The following ADGB variants were observed in gnomAD, a reference collection of about 807,000 sequenced individuals.
ADGB encodes androglobin.
In ADGB, 172 loss-of-function variants were observed where a neutral mutation model predicts 210.5. The ratio of observed to expected loss-of-function variants is 0.82; its 90% CI spans 0.72 to 0.93. The LOEUF (loss-of-function observed/expected upper bound fraction) is 0.93. ADGB is among the 40% of genes least tolerant of loss of function. The probability of loss-of-function intolerance (pLI) is 0.00; values close to 1 mark genes in which losing one functional copy is unlikely to be tolerated. For missense variants in ADGB, 2,025 were observed against 1,964.8 expected, an observed-to-expected ratio of 1.03 and a Z score of -0.58; for synonymous variants, 658 against 662.7, an observed-to-expected ratio of 0.99 and a Z score of 0.11.
intron 1 of ADGB, among the ~76,000 whole-genome samples, chr6:146,620,213 A>C (rs1236082312): frequency 6.6e-6 from 1 of 151,938 alleles, no homozygotes; most frequent in Non-Finnish European, 1.5e-5. Context: ...CTTTGTCTTT[A>C]ATTTTTGGTA....
At chr6:146,672,923 G>C (rs553792818) in intron 8 of ADGB, among the ~76,000 whole-genome samples, 1 of 151,868 alleles carries the variant, frequency 6.6e-6, no homozygotes, top group African/African-American at 2.4e-5. Context: ...TAGAGACAGG[G>C]TTTCACCATG....
intron 35 of ADGB, among the ~76,000 whole-genome samples, chr6:146,806,445 A>G (rs550152851): frequency 6.6e-6 from 1 of 152,208 alleles, no homozygotes; most frequent in African/African-American, 2.4e-5. Flanking sequence ...TTAATATGTC[A>G]CTACTATCTT....
intron 1 of ADGB, among the ~76,000 whole-genome samples, chr6:146,605,964 G>C (rs936367844): frequency 1.3e-5 from 2 of 152,070 alleles, no homozygotes; most frequent in African/African-American, 4.8e-5. Flanking sequence ...TGGGTCAAAT[G>C]GTGGTCCTGT....
At chr6:146,785,934 C>T (rs527406718) in intron 32 of ADGB, among the ~76,000 whole-genome samples, 2 of 151,914 alleles carry the variant, frequency 1.3e-5, no homozygotes, top group African/African-American at 2.4e-5. Context: ...ACATCTCCCC[C>T]TTCACACACA....
At chr6:146,657,301 G>T (rs1775799308) in intron 5 of ADGB, among the ~76,000 whole-genome samples, 1 of 140,446 alleles carries the variant, frequency 7.1e-6, no homozygotes, top group South Asian at 2.4e-4. Context: ...CTCCAGCCTG[G>T]GCAACAAGAG....
At chr6:146,783,446 G>T (rs1265575322) in intron 30 of ADGB, among the ~76,000 whole-genome samples, 1 of 152,098 alleles carries the variant, frequency 6.6e-6, no homozygotes, top group East Asian at 1.9e-4. Context: ...ACCTCCCTTA[G>T]TACCTTCACA....
At position 146,676,400 on chromosome 6, in the gene ADGB, C is replaced by G; in HGVS notation, c.1175C>G (p.Pro392Arg). Residue 392 changes from proline (P) to arginine (R), a missense_variant, in exon 9 of 36, where the codon CCC becomes CGC. Physicochemically the swap from Pro to Arg is moderately radical, Grantham distance 103 (BLOSUM62 -2). Transcript: ENST00000397944. ...KFKFSLHGSR[P>R]SSEVQYSVQS... ...AAATTCTCACTTCATGGTTCAAGAC[C>G]CTCATCAGAAGTGCAGTACTCTGTG... is the stretch of plus-strand genomic sequence containing the variant. 1 of 1,546,416 alleles carries G rather than the reference C, an allele frequency of 6.5e-7. No individual in the cohort carries two copies. The highest frequency in any genetic ancestry group is 8.7e-7 in the Non-Finnish European group (1 of 1,143,810).
chr6:146,791,404 C>T (rs73584875), intron 33 of ADGB, among the ~76,000 whole-genome samples: 5,649 of 152,182 alleles, frequency 0.037, 332 homozygotes, highest in African/African-American at 0.13. Context: ...AGTATAGTGG[C>T]TCAATCATGG....
rs182208335 is a variant in ADGB at position 146,676,449 on chromosome 6, C to A, written c.1216+8C>A. 15 of 1,363,522 alleles carry A rather than the reference C, an allele frequency of 1.1e-5. No individual in the cohort carries two copies. In the South Asian group the frequency reaches 1.7e-4, roughly 16 times the overall value. 84.5% of individuals were successfully genotyped at this position (1,363,522 alleles called of 1,614,324 possible). On this transcript the variant is annotated splice_region_variant and intron_variant, in intron 9 of 35. Transcript: ENST00000397944. ...TGCAGTCCCTATCAGATTGTAAGCT[C>A]CTAATTTCTTAGAATAATAACTATT...
rs1209148162 is a variant in ADGB at position 146,721,487 on chromosome 6, C to G, written c.2077C>G (p.Arg693Gly). The change falls in exon 17 of 36, where the codon CGC becomes GGC. Residue 693 changes from arginine (R) to glycine (G), a missense_variant. Coordinates refer to ENST00000397944, the MANE Select transcript of ADGB (RefSeq NM_024694.4). ...ACTGGTTTGCTTTTCTGCATTGGTA[C>G]GCTGGGGGGAGTATGGAGGTAAGAG... ...ELLVCFSALV[R>G]WGEYGALTKD... The G allele has an allele frequency of 6.5e-7, 1 of 1,547,784 alleles. No individual in the cohort carries two copies. The highest frequency in any genetic ancestry group is 8.7e-7 in the Non-Finnish European group (1 of 1,143,620).
intron 35 of ADGB, among the ~76,000 whole-genome samples, chr6:146,804,128 A>C (rs1280636613): frequency 6.6e-6 from 1 of 152,174 alleles, no homozygotes; most frequent in African/African-American, 2.4e-5. Context: ...CAAATGAAAA[A>C]AGGATTTCTA....
intron 3 of ADGB, among the ~76,000 whole-genome samples, chr6:146,647,343 CA>C (rs1263529897): frequency 6.6e-6 from 1 of 151,522 alleles, no homozygotes; most frequent in East Asian, 1.9e-4. Flanking sequence ...GCCGGTTGCC[CA>C]AAAAGCAAAG....
At chr6:146,742,875 A>G (rs1777179866) in intron 25 of ADGB, among the ~76,000 whole-genome samples, 1 of 152,070 alleles carries the variant, frequency 6.6e-6, no homozygotes, top group Non-Finnish European at 1.5e-5. Context: ...ACTATGAGAT[A>G]TTTTTGTGAT....
intron 1 of ADGB, among the ~76,000 whole-genome samples, chr6:146,603,997 C>A (rs1780598001): frequency 6.6e-6 from 1 of 152,104 alleles, no homozygotes; most frequent in African/African-American, 2.4e-5. Context: ...TCTCTGTAAC[C>A]CCAGGTCCAG....
At chr6:146,668,923 CT>C in intron 7 of ADGB, among the ~76,000 whole-genome samples, 1 of 152,206 alleles carries the variant, frequency 6.6e-6, no homozygotes, top group Non-Finnish European at 1.5e-5. Context: ...GATGCATGGT[CT>C]CTCTGTGAAC....
chr6:146,747,857 A>C (rs1777264388), intron 26 of ADGB, among the ~76,000 whole-genome samples: 1 of 148,860 alleles, frequency 6.7e-6, no homozygotes, highest in Non-Finnish European at 1.5e-5. Context: ...ATCTTGGCTC[A>C]TTGCAACCTC....
intron 29 of ADGB, among the ~76,000 whole-genome samples, chr6:146,779,864 A>AC (rs907471059): frequency 5.1e-4 from 3 of 5,882 alleles, no homozygotes; most frequent in African/African-American, 4.7e-3. Flanking sequence ...TTCCAGCTAT[A>AC]AAAAAAAAAA....
chr6:146,633,792 C>G (rs1173828108), intron 1 of ADGB, among the ~76,000 whole-genome samples: 1 of 152,056 alleles, frequency 6.6e-6, no homozygotes, highest in African/African-American at 2.4e-5. Flanking sequence ...AATCACACAC[C>G]TCATAACAAC....
chr6:146,736,639 C>G, intron 23 of ADGB, 48 bp downstream of exon 23: 5 of 1,340,674 alleles, frequency 3.7e-6, no homozygotes, highest in Non-Finnish European at 5.1e-6. Context: ...GTCCTTTTGT[C>G]AAAGTCCAGT....
Sources: allele counts gnomAD v4.1 joint callset (sites outside exome capture counted in the v4.1 genomes callset), GRCh38; gene constraint gnomAD v4.1.1; transcripts MANE v1.5; gene names NCBI Gene and HGNC (gene_info 2026-07-23, HGNC 2026-07-21).